TDRD5: variants seen among roughly 807,000 people sequenced by gnomAD.
TDRD5 encodes the protein tudor domain containing 5.
Under a neutral mutation model 120.6 loss-of-function variants are expected in TDRD5, and 41 were observed. That is an observed-to-expected ratio of 0.34 (90% CI 0.26 to 0.44). TDRD5 has a LOEUF of 0.44. Ranked by LOEUF, TDRD5 falls within the 20% of genes least tolerant of loss-of-function variation. The pLI, the probability that TDRD5 is intolerant of heterozygous loss-of-function variation, is 1.00. For missense variants in TDRD5, 1,006 were observed against 1,221.2 expected (o/e 0.82, Z 2.63); for synonymous variants, 430 against 433.7 (o/e 0.99, Z 0.11).
At chr1:179,620,745 A>G (rs375997017) in intron 5 of TDRD5, among the ~76,000 whole-genome samples, 2 of 152,234 alleles carry the variant, frequency 1.3e-5, no homozygotes, top group East Asian at 3.9e-4. Context: ...GCTGAAGCTA[A>G]ATGTGTTAGC....
intron 17 of TDRD5, among the ~76,000 whole-genome samples, chr1:179,687,561 G>T: frequency 6.6e-6 from 1 of 152,150 alleles, no homozygotes; most frequent in Non-Finnish European, 1.5e-5. Flanking sequence ...TATTAGGTCT[G>T]CTTGTTGCAG....
chr1:179,592,419 G>A (rs893659760), intron 1 of TDRD5, 183 bp from the exon 2 acceptor site: 16 of 561,090 alleles, frequency 2.9e-5, no homozygotes, highest in Non-Finnish European at 3.5e-5. Context: ...AATCAACGCA[G>A]GTGGAGATTC....
intron 14 of TDRD5, among the ~76,000 whole-genome samples, chr1:179,656,143 G>T (rs904527999): frequency 1.3e-5 from 2 of 152,194 alleles, no homozygotes; most frequent in East Asian, 3.8e-4. Flanking sequence ...TTTAATAGGT[G>T]TGTAGTAGTA....
At chr1:179,592,187 G>T in intron 1 of TDRD5, 62 bp downstream of exon 1, 1 of 170,104 alleles carries the variant, frequency 5.9e-6, no homozygotes, top group Non-Finnish European at 1.3e-5. Context: ...GCGCCCCCTC[G>T]GCTTGGGGTG....
chr1:179,661,942 C>T (rs1042991829), intron 14 of TDRD5, among the ~76,000 whole-genome samples, 162 bp from the exon 15 acceptor site: 1 of 152,114 alleles, frequency 6.6e-6, no homozygotes, highest in Non-Finnish European at 1.5e-5. Context: ...TATCCTAAAT[C>T]TCTTTATTAT....
At position 179,688,987 on chromosome 1, in the gene TDRD5, G is replaced by A. The variant is rs1018657362; in HGVS notation, c.2861-1709G>A. Among the ~76,000 whole-genome samples the A allele has an allele frequency of 3.3e-5, 5 of 152,040 alleles. No homozygotes were observed. The East Asian group carries it at 5.8e-4, about 18-fold the overall frequency. On this transcript the variant is annotated intron_variant, in intron 17 of 17. Coordinates refer to ENST00000444136, the MANE Select transcript of TDRD5 (RefSeq NM_001199085.3). ...TTTTTAGCTTCTTTGCTATGGGTTCGAACATCCTCCTTTAGCTCAGAGAAG... is the reference window on the plus strand; with the variant it reads ...TTTTTAGCTTCTTTGCTATGGGTTCAAACATCCTCCTTTAGCTCAGAGAAG...
At chr1:179,632,390 C>A (rs1677506575) in intron 7 of TDRD5, among the ~76,000 whole-genome samples, 1 of 149,180 alleles carries the variant, frequency 6.7e-6, no homozygotes, top group African/African-American at 2.5e-5. Context: ...TTATGATGGA[C>A]AGGTTTTGTT....
intron 11 of TDRD5, among the ~76,000 whole-genome samples, chr1:179,646,914 A>G (rs1678403495): frequency 6.6e-6 from 1 of 150,998 alleles, no homozygotes; most frequent in African/African-American, 2.4e-5. Flanking sequence ...GACCTCTTCA[A>G]GGAGAACTAC....
rs193185269 is a variant in TDRD5, at chr1:179,605,410, C to A, written c.831+9592C>A. ...AGATGTGAGGTACTATTGCATTAAT[C>A]CTGCTATTTGTTGCATTCATCTTGC... On this transcript the variant is annotated intron_variant, in intron 4 of 17. Transcript: ENST00000444136. 3.3e-5 allele frequency among the ~76,000 whole-genome samples: 5 copies of A among 152,218 alleles called. No individual in the cohort carries two copies. In the East Asian group the frequency reaches 9.6e-4, roughly 29 times the overall value.
intron 17 of TDRD5, among the ~76,000 whole-genome samples, chr1:179,688,029 A>G (rs1680842296): frequency 6.6e-6 from 1 of 152,190 alleles, no homozygotes; most frequent in Non-Finnish European, 1.5e-5. Flanking sequence ...TAATTGGAGC[A>G]TTTAGCCCAT....
At chr1:179,657,460 C>T (rs1266491070) in intron 14 of TDRD5, among the ~76,000 whole-genome samples, 1 of 151,888 alleles carries the variant, frequency 6.6e-6, no homozygotes, top group Non-Finnish European at 1.5e-5. Context: ...TTCACTTATC[C>T]ATTCTAGGGG....
chr1:179,630,300 A>G (rs1677365087), intron 6 of TDRD5, among the ~76,000 whole-genome samples: 1 of 152,166 alleles, frequency 6.6e-6, no homozygotes, highest in Non-Finnish European at 1.5e-5. Flanking sequence ...CCTGGCCTTT[A>G]TTCCAACTTC....
intron 4 of TDRD5, among the ~76,000 whole-genome samples, chr1:179,603,713 C>T (rs1423857094): frequency 6.6e-6 from 1 of 152,108 alleles, no homozygotes; most frequent in African/African-American, 2.4e-5. Context: ...TCCCTGCCTC[C>T]CTGGTATGAA....
In TDRD5 at chr1:179,595,793, T is replaced by G; in HGVS notation, c.806T>G (p.Leu269Arg). 6.2e-7 allele frequency: 1 copy of G among 1,604,386 alleles called. No homozygotes were observed. Among genetic ancestry groups the G allele is most frequent in the Non-Finnish European group, 8.5e-7 (1 of 1,176,916 alleles). The change falls in exon 4 of 18, where the codon CTG becomes CGG. Residue 269 changes from leucine to arginine, a missense_variant. Around this residue, in one of 3 missense-constraint regions of TDRD5, gnomAD observed 445 missense variants for 515.5 expected, o/e 0.86. Transcript: ENST00000444136. ...SKLNVVETSR[L>R]NHTEKLNQLE... ...TTAAATGTAGTGGAGACTTCAAGAC[T>G]GAATCACACTGAAAAATTAAACCAG...
intron 11 of TDRD5, among the ~76,000 whole-genome samples, chr1:179,644,325 C>T (rs1678219681): frequency 6.6e-6 from 1 of 152,050 alleles, no homozygotes; most frequent in South Asian, 2.1e-4. Flanking sequence ...ATTGGTAATA[C>T]TGTATGTTGG....
chr1:179,628,919 T>TTTGTTG (rs141689839), intron 6 of TDRD5, among the ~76,000 whole-genome samples: 148 of 151,298 alleles, frequency 9.8e-4, no homozygotes, highest in Admixed American at 1.6e-3. Flanking sequence ...GACTGAGGAA[T>TTTGTTG]TTGTTGTTGT....
rs1172444253 is a variant in TDRD5, at chr1:179,675,273, A to ATTTTTTTT, written c.2860+5886_2860+5893dup. On this transcript the variant is annotated intron_variant, in intron 17 of 17. Coordinates refer to ENST00000444136, the MANE Select transcript of TDRD5 (RefSeq NM_001199085.3). Reference sequence around the variant, plus strand: ...AAGAATTTTTATTATTATTATTATTATTTTTTTTTTTTTTTTTTTTTTTTG... The same window carrying ATTTTTTTT: ...AAGAATTTTTATTATTATTATTATTATTTTTTTTTTTTTTTTTTTTTTTTTTTTTTTTG... Among the ~76,000 whole-genome samples, 62 of 66,592 alleles carry ATTTTTTTT rather than the reference A, an allele frequency of 9.3e-4. 1 individual carries two copies. The highest frequency in any genetic ancestry group is 1.8e-3 in the African/African-American group (34 of 18,604). The allele number at this position is 66,592 out of a possible 152,430, so 43.7% of individuals were successfully genotyped here.
chr1:179,667,679 A>T (rs1027167904), intron 16 of TDRD5, among the ~76,000 whole-genome samples: 1 of 152,242 alleles, frequency 6.6e-6, no homozygotes, highest in Non-Finnish European at 1.5e-5. Context: ...ATACATGTGA[A>T]TTGCATAAAC....
At position 179,630,779 on chromosome 1, in the gene TDRD5, G is replaced by T. The variant is rs1339919614; in HGVS notation, c.985G>T (p.Glu329Ter). 1 of 1,612,830 alleles carries T rather than the reference G, an allele frequency of 6.2e-7. No homozygotes were observed. The highest frequency in any genetic ancestry group is 8.5e-7 in the Non-Finnish European group (1 of 1,179,584). ...TTTCTTGTGACAGGTAATTTTTAAAGAGCAACTATCACCAAAAAAATTAGG... is the reference window on the plus strand; with the variant it reads ...TTTCTTGTGACAGGTAATTTTTAAATAGCAACTATCACCAAAAAAATTAGG... ...LLGEYEVIFK[E>*]QLSPKKLGFL... The change falls in exon 7 of 18, where the codon GAG becomes TAG. Residue 329 changes from glutamate to a stop codon, truncating the protein, a stop_gained. Transcript: ENST00000444136. LOFTEE classifies it high-confidence loss of function.
Sources: allele counts gnomAD v4.1 joint callset (sites outside exome capture counted in the v4.1 genomes callset), GRCh38; gene constraint gnomAD v4.1.1; regional missense constraint gnomAD v4.1.1; transcripts MANE v1.5; gene names NCBI Gene and HGNC (gene_info 2026-07-23, HGNC 2026-07-21).